Variants in OR4N2 observed in about 807,000 individuals in gnomAD.
OR4N2 encodes olfactory receptor 4N2.
For synonymous variants in OR4N2, 141 were observed against 140.4 expected (o/e 1.00, Z -0.03); for missense variants, 307 against 377.6 (o/e 0.81, Z 1.55).
intron 1 of OR4N2, among the ~76,000 whole-genome samples, chr14:19,805,207 A>C (rs1294453215): frequency 6.6e-6 from 1 of 151,958 alleles, no homozygotes; most frequent in Non-Finnish European, 1.5e-5. Flanking sequence ...AAGGTCATTC[A>C]AGGTTAGATT....
chr14:19,812,946 C>A lies in OR4N2; in HGVS notation c.-10+9102C>A, dbSNP rs190827164. Among the ~76,000 whole-genome samples, 1,183 of 152,022 alleles carry A rather than the reference C, an allele frequency of 7.8e-3. 8 individuals carry two copies. The highest frequency in any genetic ancestry group is 0.027 in the African/African-American group (1,097 of 41,390). ...AATTGAATATAATTTAATAAAATAC[C>A]AGTAATACTTTTCATTGTAAAATTA... is the stretch of plus-strand genomic sequence containing the variant. On this transcript the variant is annotated intron_variant, in intron 1 of 1. Transcript: ENST00000557677.
chr14:19,817,938 G>A (rs1246981423), intron 1 of OR4N2, among the ~76,000 whole-genome samples: 7 of 152,290 alleles, frequency 4.6e-5, no homozygotes, highest in Admixed American at 6.5e-5. Flanking sequence ...CCTAAATTTC[G>A]TTATTTACCC....
intron 1 of OR4N2, among the ~76,000 whole-genome samples, chr14:19,808,129 T>C (rs1278015377): frequency 1.3e-5 from 2 of 152,142 alleles, no homozygotes; most frequent in Non-Finnish European, 2.9e-5. Flanking sequence ...GCCAACATGA[T>C]ACTGAATGGC....
chr14:19,808,804 T>C (rs1250540876), intron 1 of OR4N2, among the ~76,000 whole-genome samples: 2 of 149,086 alleles, frequency 1.3e-5, no homozygotes, highest in East Asian at 3.9e-4. Context: ...ATGCACCTAC[T>C]CTGTAACCCA....
chr14:19,823,584 G>A (rs541745774), intron 1 of OR4N2, among the ~76,000 whole-genome samples: 2 of 152,344 alleles, frequency 1.3e-5, no homozygotes, highest in Admixed American at 6.5e-5. Context: ...AGCAAGACAG[G>A]TGTGGGGTAG....
At chr14:19,825,636 A>C (rs574830546) in intron 1 of OR4N2, among the ~76,000 whole-genome samples, 69 of 152,174 alleles carry the variant, frequency 4.5e-4, no homozygotes, top group Admixed American at 2.2e-3. Flanking sequence ...GCTCACTGAA[A>C]GCTCTGCCTC....
At chr14:19,820,727 T>C (rs1366630076) in intron 1 of OR4N2, among the ~76,000 whole-genome samples, 2 of 152,242 alleles carry the variant, frequency 1.3e-5, no homozygotes, top group Non-Finnish European at 2.9e-5. Context: ...TTATTTACAC[T>C]GTGAAGGGAA....
chr14:19,810,937 A>G (rs1879280182), intron 1 of OR4N2, among the ~76,000 whole-genome samples: 1 of 152,284 alleles, frequency 6.6e-6, no homozygotes, highest in Non-Finnish European at 1.5e-5. Flanking sequence ...CAAAACTGGC[A>G]CATCAAGATA....
Position 19,828,160 on chromosome 14 carries a change from T to C in OR4N2, c.712T>C (p.Ser238Pro). The C allele has an allele frequency of 6.2e-7, 1 of 1,614,258 alleles. No homozygotes were observed. Among genetic ancestry groups the C allele is most frequent in the South Asian group, 1.1e-5 (1 of 91,090 alleles). Reference protein sequence around the residue: ...SSSEAKNKAMSTCITHIIVIF... With the variant: ...SSSEAKNKAMPTCITHIIVIF... Reference sequence around the variant, plus strand: ...TTCTGAGGCAAAAAACAAGGCCATGTCCACGTGCATCACCCATATCATTGT... The same window carrying C: ...TTCTGAGGCAAAAAACAAGGCCATGCCCACGTGCATCACCCATATCATTGT... Residue 238 changes from serine to proline, a missense_variant, in exon 2 of 2, where the codon TCC becomes CCC. Transcript: ENST00000557677.
intron 1 of OR4N2, among the ~76,000 whole-genome samples, chr14:19,821,648 C>A (rs753218911): frequency 1.3e-5 from 2 of 152,172 alleles, no homozygotes; most frequent in Non-Finnish European, 2.9e-5. Context: ...GTCTTTCTCA[C>A]GATAGAATTT....
Position 19,804,604 on chromosome 14 carries a change from G to T in OR4N2, c.-10+760G>T, listed in dbSNP as rs1365682959. On this transcript the variant is annotated intron_variant, in intron 1 of 1. Coordinates refer to ENST00000557677, the MANE Select transcript of OR4N2 (RefSeq NM_001004723.3). ...GGATTTTTTGAATTTGCTGAAAATTGTTTTATGATCGATTGTGTGGCTGAT... is the reference window on the plus strand; with the variant it reads ...GGATTTTTTGAATTTGCTGAAAATTTTTTTATGATCGATTGTGTGGCTGAT... Among the ~76,000 whole-genome samples, 3 of 152,318 alleles carry T rather than the reference G, an allele frequency of 2.0e-5. No homozygotes were observed. In the East Asian group the frequency reaches 5.8e-4, roughly 29 times the overall value.
intron 1 of OR4N2, among the ~76,000 whole-genome samples, chr14:19,811,464 T>C (rs1879295031): frequency 6.6e-6 from 1 of 152,222 alleles, no homozygotes. Context: ...GCCAGGATGG[T>C]CTCAATCTCC....
Position 19,828,329 on chromosome 14 carries a change from T to A in OR4N2, c.881T>A (p.Val294Glu). Residue 294 changes from valine to glutamate, a missense_variant, in exon 2 of 2, where the codon GTG becomes GAG. Transcript: ENST00000557677. ...ATTTATACCCTTCGCAACCAGGAAGTGAAAGCTTCCATGAAAAAGGTGTTT... is the reference window on the plus strand; with the variant it reads ...ATTTATACCCTTCGCAACCAGGAAGAGAAAGCTTCCATGAAAAAGGTGTTT... ...PVIYTLRNQE[V>E]KASMKKVFNK... The A allele has an allele frequency of 6.2e-7, 1 of 1,612,866 alleles. No individual in the cohort carries two copies. Among genetic ancestry groups the A allele is most frequent in the Non-Finnish European group, 8.5e-7 (1 of 1,179,806 alleles).
At chr14:19,824,937 G>A (rs907762326) in intron 1 of OR4N2, among the ~76,000 whole-genome samples, 6 of 152,360 alleles carry the variant, frequency 3.9e-5, no homozygotes, top group African/African-American at 1.4e-4. Context: ...TATTGCACAG[G>A]GGGTCTGCCC....
intron 1 of OR4N2, among the ~76,000 whole-genome samples, chr14:19,809,206 T>G (rs892358068): frequency 6.6e-6 from 1 of 152,002 alleles, no homozygotes; most frequent in Admixed American, 6.5e-5. Flanking sequence ...AAAAATCAAC[T>G]CAAAATCGAT....
At chr14:19,817,608 A>G (rs1879458627) in intron 1 of OR4N2, among the ~76,000 whole-genome samples, 1 of 152,100 alleles carries the variant, frequency 6.6e-6, no homozygotes, top group Non-Finnish European at 1.5e-5. Flanking sequence ...TTAGTGGTCT[A>G]TTTATTTTGT....
At chr14:19,807,623 C>T (rs1448237462) in intron 1 of OR4N2, among the ~76,000 whole-genome samples, 7 of 152,022 alleles carry the variant, frequency 4.6e-5, no homozygotes, top group African/African-American at 1.7e-4. Flanking sequence ...AGTCCTGGGC[C>T]AGATAGATTC....
At chr14:19,814,342 G>T (rs1246176946) in intron 1 of OR4N2, among the ~76,000 whole-genome samples, 2 of 152,156 alleles carry the variant, frequency 1.3e-5, no homozygotes, top group Non-Finnish European at 2.9e-5. Context: ...TTTAGCAATT[G>T]TTCTATCCTA....
intron 1 of OR4N2, among the ~76,000 whole-genome samples, chr14:19,810,264 T>C (rs568135548): frequency 1.3e-5 from 2 of 152,208 alleles, no homozygotes; most frequent in Non-Finnish European, 2.9e-5. Context: ...AATCATTAGA[T>C]AAATGCACAT....
Sources: gnomAD v4.1 joint callset for allele counts (sites outside exome capture counted in the v4.1 genomes callset) on GRCh38, gnomAD v4.1.1 for gene constraint, MANE v1.5 for transcripts, NCBI Gene and HGNC (gene_info 2026-07-23, HGNC 2026-07-21) for gene names.